The following PDE10A variants were observed in gnomAD, a reference collection of about 807,000 sequenced individuals.
PDE10A encodes cAMP and cAMP-inhibited cGMP 3',5'-cyclic phosphodiesterase 10A.
A neutral mutation model predicts 97.7 loss-of-function variants in PDE10A; 39 were observed. The observed-to-expected ratio is 0.40, with a 90% CI of 0.31 to 0.52. The LOEUF (loss-of-function observed/expected upper bound fraction) is 0.52, where lower values mean the gene tolerates loss of function less well. Ranked by LOEUF, PDE10A falls within the 20% of genes least tolerant of loss-of-function variation. PDE10A has a pLI of 0.56. For synonymous variants in PDE10A, 371 were observed against 376.8 expected (o/e 0.98, Z 0.18); for missense variants, 731 against 1,047.8 (o/e 0.70, Z 4.17).
rs181004042 is a variant in PDE10A, at chr6:165,649,373, G to C, written c.865+12574C>G. 2.6e-3 allele frequency among the ~76,000 whole-genome samples: 396 copies of C among 152,204 alleles called. 1 individual carries two copies. Among genetic ancestry groups the C allele is most frequent in the African/African-American group, 9.2e-3 (383 of 41,534 alleles). ...AAACCAAGGGGGAAGAGTCAGTGAG[G>C]GGACAGCAAAGAGGCCCACTGAGAC... On this transcript the variant is annotated intron_variant, in intron 1 of 21. Transcript: ENST00000539869.
intron 1 of PDE10A, among the ~76,000 whole-genome samples, chr6:165,820,177 G>A (rs1371375465): frequency 2.6e-5 from 4 of 152,154 alleles, no homozygotes; most frequent in African/African-American, 9.7e-5. Flanking sequence ...AGATACAAAT[G>A]AATGAACTGC....
At chr6:165,375,048 G>A (rs1784530149) in intron 18 of PDE10A, among the ~76,000 whole-genome samples, 1 of 152,078 alleles carries the variant, frequency 6.6e-6, no homozygotes. Context: ...CCAACTGGCT[G>A]TTCCCCCATC....
At chr6:165,706,863 T>A (rs1791723262) in intron 1 of PDE10A, among the ~76,000 whole-genome samples, 1 of 152,216 alleles carries the variant, frequency 6.6e-6, no homozygotes, top group Non-Finnish European at 1.5e-5. Context: ...AGGAACACTA[T>A]CCTTAGCCTT....
chr6:165,747,722 GGA>G (rs1184951604), intron 1 of PDE10A, among the ~76,000 whole-genome samples: 1 of 152,230 alleles, frequency 6.6e-6, no homozygotes, highest in Non-Finnish European at 1.5e-5. Flanking sequence ...GCCTGGCATG[GGA>G]GAGTGTTCTG....
chr6:165,958,600 A>G (rs1784244167), intron 1 of PDE10A, among the ~76,000 whole-genome samples: 1 of 35,988 alleles, frequency 2.8e-5, no homozygotes, highest in Non-Finnish European at 8.4e-5. Flanking sequence ...AGAGAAAGAA[A>G]GAGAGAAAGG....
chr6:165,381,138 A>G lies in PDE10A; in HGVS notation c.2611-1772T>C, dbSNP rs1475567943. 2.6e-5 allele frequency among the ~76,000 whole-genome samples: 4 copies of G among 152,228 alleles called. No homozygotes were observed. The East Asian group carries it at 7.7e-4, about 29-fold the overall frequency. ...TTGACATTTAAAAAGAAATATCTCT[A>G]AAATAGGGTCTCCTTAGCCTAGGCT... On this transcript the variant is annotated intron_variant, in intron 17 of 21. Coordinates refer to ENST00000539869, the MANE Select transcript of PDE10A (RefSeq NM_001385079.1).
intron 1 of PDE10A, among the ~76,000 whole-genome samples, chr6:165,809,264 G>A (rs1779217331): frequency 6.6e-6 from 1 of 152,170 alleles, no homozygotes; most frequent in South Asian, 2.1e-4. Context: ...GTGCAGCCCT[G>A]GCTGCCCTGG....
intron 1 of PDE10A, among the ~76,000 whole-genome samples, chr6:165,913,024 G>C (rs541343069): frequency 6.6e-6 from 1 of 152,204 alleles, no homozygotes; most frequent in Non-Finnish European, 1.5e-5. Flanking sequence ...GCTGTTACAA[G>C]GCTGCAAGTA....
intron 1 of PDE10A, among the ~76,000 whole-genome samples, chr6:165,961,457 G>A (rs116858397): frequency 0.054 from 8,148 of 152,284 alleles, 344 homozygotes; most frequent in Middle Eastern, 0.1. Context: ...ATGAGGTGGC[G>A]AATGGCATCA....
chr6:165,337,419 G>A (rs1411002925), intron 20 of PDE10A, among the ~76,000 whole-genome samples: 3 of 152,100 alleles, frequency 2.0e-5, no homozygotes, highest in Non-Finnish European at 4.4e-5. Flanking sequence ...ATTCCTTTTT[G>A]CTTTCTCCTG....
chr6:165,975,664 T>C (rs1159830850), intron 1 of PDE10A, among the ~76,000 whole-genome samples: 1 of 152,224 alleles, frequency 6.6e-6, no homozygotes, highest in Non-Finnish European at 1.5e-5. Context: ...CTTTGTTCTA[T>C]GAGTTAAATG....
chr6:165,982,452 A>G (rs1785049742), intron 1 of PDE10A, among the ~76,000 whole-genome samples: 1 of 152,246 alleles, frequency 6.6e-6, no homozygotes, highest in Non-Finnish European at 1.5e-5. Context: ...TGGAGGTTAA[A>G]ACTAGAAGAC....
chr6:165,467,519 T>C (rs1339154311), intron 3 of PDE10A, among the ~76,000 whole-genome samples: 1 of 152,170 alleles, frequency 6.6e-6, no homozygotes, highest in East Asian at 1.9e-4. Flanking sequence ...TTATGCTAAA[T>C]TGACTCTGCC....
intron 1 of PDE10A, among the ~76,000 whole-genome samples, chr6:165,796,093 T>TTC (rs1204652169): frequency 1.3e-5 from 1 of 78,312 alleles, no homozygotes; most frequent in Non-Finnish European, 2.9e-5. Context: ...TTTCTTTTCT[T>TTC]TTTTTTTTTT....
intron 1 of PDE10A, among the ~76,000 whole-genome samples, chr6:165,730,358 GT>G (rs1329060070): frequency 6.6e-6 from 1 of 152,092 alleles, no homozygotes; most frequent in East Asian, 1.9e-4. Flanking sequence ...CTTATCCTCG[GT>G]TCCCGTGTCA....
intron 2 of PDE10A, among the ~76,000 whole-genome samples, chr6:165,505,164 A>G (rs1266011526): frequency 6.6e-6 from 1 of 152,122 alleles, no homozygotes; most frequent in African/African-American, 2.4e-5. Flanking sequence ...TCTACCTTCC[A>G]TTGTTTTCTA....
chr6:165,756,115 G>A (rs939855032), intron 1 of PDE10A, among the ~76,000 whole-genome samples: 19 of 152,056 alleles, frequency 1.2e-4, no homozygotes, highest in Non-Finnish European at 2.9e-5. Context: ...AGATTAATTT[G>A]CAGAATTATT....
At chr6:165,405,397 T>C (rs1167150177) in intron 13 of PDE10A, among the ~76,000 whole-genome samples, 1 of 152,350 alleles carries the variant, frequency 6.6e-6, no homozygotes, top group East Asian at 1.9e-4. Context: ...ACCAGCTATA[T>C]ATTTAACAAT....
chr6:165,800,645 T>C lies in PDE10A; in HGVS notation c.-615+186884A>G, dbSNP rs1313680404. On this transcript the variant is annotated intron_variant, in intron 1 of 19. Transcript: ENST00000366882. ...GACTTTACGGTTGTGATTTATGATCTGGACACATGGTGTCTAGCATAACAT... is the reference window on the plus strand; with the variant it reads ...GACTTTACGGTTGTGATTTATGATCCGGACACATGGTGTCTAGCATAACAT... 7.2e-5 allele frequency among the ~76,000 whole-genome samples: 11 copies of C among 152,326 alleles called. No individual in the cohort carries two copies. The East Asian group carries it at 1.5e-3, about 21-fold the overall frequency.
Sources: allele counts gnomAD v4.1 joint callset (sites outside exome capture counted in the v4.1 genomes callset), GRCh38; gene constraint gnomAD v4.1.1; transcripts MANE v1.5; gene names NCBI Gene and HGNC (gene_info 2026-07-23, HGNC 2026-07-21).